Variants in SYT1 observed in about 807,000 individuals in gnomAD.
The protein encoded by SYT1 is synaptotagmin-1.
SYT1 carries 8 observed loss-of-function variants against 44.8 expected under a neutral mutation model. The ratio of observed to expected loss-of-function variants is 0.18; its 90% CI spans 0.10 to 0.32. The LOEUF is 0.32. Among genes scored for constraint, SYT1 ranks in the 10% least tolerant of loss-of-function variants. SYT1 has a pLI of 1.00. For synonymous variants in SYT1, 154 were observed against 188.8 expected, an observed-to-expected ratio of 0.82 and a Z score of 1.51; for missense variants, 286 against 509.3, an observed-to-expected ratio of 0.56 and a Z score of 4.22.
At chr12:78,987,260 A>G (rs959873849) in intron 2 of SYT1, among the ~76,000 whole-genome samples, 10 of 152,014 alleles carry the variant, frequency 6.6e-5, no homozygotes, top group African/African-American at 2.4e-4. Flanking sequence ...TGCCCTCTCC[A>G]AAGGAAATAT....
intron 4 of SYT1, among the ~76,000 whole-genome samples, chr12:79,243,278 T>G (rs1293610155): frequency 1.3e-5 from 2 of 152,228 alleles, no homozygotes; most frequent in Non-Finnish European, 2.9e-5. Flanking sequence ...TTTTCATGTT[T>G]GTTTTCTTTA....
chr12:79,250,418 C>A (rs1877131091), intron 4 of SYT1, among the ~76,000 whole-genome samples: 1 of 152,144 alleles, frequency 6.6e-6, no homozygotes, highest in African/African-American at 2.4e-5. Context: ...GTTGAATCAC[C>A]CTCAGATATG....
intron 1 of SYT1, among the ~76,000 whole-genome samples, chr12:78,918,230 C>T (rs1157076225): frequency 2.6e-5 from 4 of 152,044 alleles, no homozygotes; most frequent in Admixed American, 6.6e-5. Flanking sequence ...ATGCACCATA[C>T]ATGCTCTGAG....
intron 3 of SYT1, among the ~76,000 whole-genome samples, chr12:79,062,705 G>A (rs1385857332): frequency 6.6e-6 from 1 of 152,110 alleles, no homozygotes; most frequent in Non-Finnish European, 1.5e-5. Flanking sequence ...GAGATGGCTT[G>A]GATTGGAAGT....
chr12:79,041,713 G>A (rs1259153841), intron 2 of SYT1, among the ~76,000 whole-genome samples: 1 of 151,558 alleles, frequency 6.6e-6, no homozygotes, highest in East Asian at 1.9e-4. Context: ...AGTTTTCAAA[G>A]GGAATGCTTC....
At chr12:79,203,500 T>C (rs1167266662) in intron 3 of SYT1, among the ~76,000 whole-genome samples, 1 of 152,186 alleles carries the variant, frequency 6.6e-6, no homozygotes, top group African/African-American at 2.4e-5. Context: ...CACTTCCAAA[T>C]TGACTCATAT....
At chr12:79,443,929 A>G (rs1870567975) in intron 9 of SYT1, 144 bp from the exon 10 acceptor site, 2 of 871,912 alleles carry the variant, frequency 2.3e-6, no homozygotes, top group African/African-American at 3.5e-5. Flanking sequence ...AAAATATTTC[A>G]ATAAAAAAGT....
intron 3 of SYT1, among the ~76,000 whole-genome samples, chr12:79,140,463 C>G (rs1869487215): frequency 6.6e-6 from 1 of 152,156 alleles, no homozygotes; most frequent in Non-Finnish European, 1.5e-5. Flanking sequence ...TTAATAGTCA[C>G]TTCTCTGAAA....
chr12:79,179,241 T>G (rs369095098), intron 3 of SYT1, among the ~76,000 whole-genome samples: 3 of 69,562 alleles, frequency 4.3e-5, no homozygotes, highest in African/African-American at 1.8e-4. Flanking sequence ...TATAGATATA[T>G]AGATATAGAT....
At chr12:79,217,707 T>C (rs1322004215) in intron 4 of SYT1, 22 bp downstream of exon 4, 1 of 1,575,110 alleles carries the variant, frequency 6.3e-7, no homozygotes, top group Middle Eastern at 1.7e-4. Flanking sequence ...ATATTAGTAC[T>C]TGAGTAAAAA....
chr12:79,349,043 A>AAGAAAG (rs1323616655), intron 8 of SYT1, among the ~76,000 whole-genome samples: 14 of 140,484 alleles, frequency 1.0e-4, no homozygotes, highest in African/African-American at 3.8e-4. Flanking sequence ...AAAAGAAAGA[A>AAGAAAG]AGAAAGAAAG....
intron 9 of SYT1, among the ~76,000 whole-genome samples, chr12:79,440,426 G>A (rs1870345316): frequency 6.6e-6 from 1 of 152,018 alleles, no homozygotes. Context: ...CTGTTTTGGG[G>A]AACAGAATGA....
chr12:79,116,795 A>G (rs1346885745), intron 3 of SYT1, among the ~76,000 whole-genome samples: 1 of 152,192 alleles, frequency 6.6e-6, no homozygotes, highest in African/African-American at 2.4e-5. Flanking sequence ...TGGGAGGTCA[A>G]GGAGAATTTT....
At chr12:79,388,010 A>AT (rs992679105) in intron 9 of SYT1, among the ~76,000 whole-genome samples, 1 of 152,164 alleles carries the variant, frequency 6.6e-6, no homozygotes, top group Non-Finnish European at 1.5e-5. Flanking sequence ...ATGAACATTT[A>AT]TTTTTTAGGT....
chr12:79,299,015 A>G (rs1194471934), intron 7 of SYT1, among the ~76,000 whole-genome samples: 1 of 152,192 alleles, frequency 6.6e-6, no homozygotes, highest in Non-Finnish European at 1.5e-5. Context: ...AATACAACTT[A>G]AAACAACAAT....
intron 9 of SYT1, among the ~76,000 whole-genome samples, chr12:79,380,188 TAA>T (rs1343300124): frequency 1.3e-5 from 2 of 152,114 alleles, no homozygotes; most frequent in Non-Finnish European, 2.9e-5. Flanking sequence ...CACCAAAAAA[TAA>T]GAGAAAATGC....
chr12:79,148,158 A>G (rs1367073801), intron 3 of SYT1, among the ~76,000 whole-genome samples: 3 of 152,204 alleles, frequency 2.0e-5, no homozygotes, highest in African/African-American at 7.2e-5. Flanking sequence ...TCAAAAAATG[A>G]AAACATTAGG....
chr12:78,964,557 A>C (rs1879671836), intron 1 of SYT1, among the ~76,000 whole-genome samples: 1 of 152,206 alleles, frequency 6.6e-6, no homozygotes, highest in Non-Finnish European at 1.5e-5. Context: ...ACTACACTGA[A>C]TGGTCACAAT....
chr12:78,874,109 T>A (rs1186189349), intron 1 of SYT1, among the ~76,000 whole-genome samples: 1 of 151,656 alleles, frequency 6.6e-6, no homozygotes, highest in African/African-American at 2.4e-5. Context: ...TTTCCATGCT[T>A]CATCCCATTT....
Sources: allele counts gnomAD v4.1 joint callset (sites outside exome capture counted in the v4.1 genomes callset), GRCh38; gene constraint gnomAD v4.1.1; transcripts MANE v1.5; gene names NCBI Gene and HGNC (gene_info 2026-07-23, HGNC 2026-07-21).